Variants in RBM47 observed in about 807,000 individuals in gnomAD.
The protein encoded by RBM47 is RNA-binding protein 47.
Under a neutral mutation model 47.1 loss-of-function variants are expected in RBM47, and 21 were observed. The observed-to-expected ratio is 0.45, with a 90% CI of 0.32 to 0.64. RBM47 has a LOEUF of 0.64. Among genes scored for constraint, RBM47 ranks in the 30% least tolerant of loss-of-function variants. The probability of loss-of-function intolerance (pLI) is 0.05; values close to 1 mark genes in which losing one functional copy is unlikely to be tolerated. For missense variants in RBM47, 708 were observed against 870.9 expected (o/e 0.81, Z 2.35); for synonymous variants, 375 against 361.7 (o/e 1.04, Z -0.42).
chr4:40,462,677 T>C (rs1717344962), intron 3 of RBM47, among the ~76,000 whole-genome samples: 1 of 152,170 alleles, frequency 6.6e-6, no homozygotes, highest in Non-Finnish European at 1.5e-5. Flanking sequence ...GAACAAATGT[T>C]GGCTTGAATA....
intron 3 of RBM47, among the ~76,000 whole-genome samples, chr4:40,460,047 C>T (rs552832588): frequency 7.9e-5 from 12 of 152,270 alleles, no homozygotes; most frequent in Middle Eastern, 6.8e-3. Context: ...TGAGCCACCA[C>T]GCCTGGCCAG....
chr4:40,504,452 G>A lies in RBM47; in HGVS notation c.-154-37753C>T, dbSNP rs534325609. The stretch of plus-strand genomic sequence containing the variant: ...ATTACAGGTGCCCGCCACCACACCT[G>A]ACTAATCTTTTTGTATTTTTAGTAG... On this transcript the variant is annotated intron_variant, in intron 2 of 6. Transcript: ENST00000295971. 4.1e-4 allele frequency among the ~76,000 whole-genome samples: 63 copies of A among 152,012 alleles called. No homozygotes were observed. The South Asian group carries it at 0.013, about 31-fold the overall frequency.
Position 40,538,413 on chromosome 4 carries a change from G to A in RBM47, c.-155+6009C>T, listed in dbSNP as rs540711075. On this transcript the variant is annotated intron_variant, in intron 2 of 6. Coordinates refer to ENST00000295971, the MANE Select transcript of RBM47 (RefSeq NM_001098634.2). ...ACGATCTCAGCTCACTGCAACCTCCGCCTCCCGGGTTCAAGCGATTCTCCT... is the reference window on the plus strand; with the variant it reads ...ACGATCTCAGCTCACTGCAACCTCCACCTCCCGGGTTCAAGCGATTCTCCT... Among the ~76,000 whole-genome samples, 29 of 142,168 alleles carry A rather than the reference G, an allele frequency of 2.0e-4. No homozygotes were observed. The South Asian group carries it at 6.0e-3, about 30-fold the overall frequency. 93.3% of individuals were successfully genotyped at this position (142,168 alleles called of 152,430 possible).
rs116684636 is a variant in RBM47, at chr4:40,583,901, C to T, written c.-239-39395G>A. On this transcript the variant is annotated intron_variant, in intron 1 of 6. Coordinates refer to ENST00000295971, the MANE Select transcript of RBM47 (RefSeq NM_001098634.2). Reference sequence around the variant, plus strand: ...AACAAAAAACAAAAAAACCAAAAAGCAGAATGATTAAATATATTTTGTGAT... The same window carrying T: ...AACAAAAAACAAAAAAACCAAAAAGTAGAATGATTAAATATATTTTGTGAT... Among the ~76,000 whole-genome samples, 1,319 of 149,312 alleles carry T rather than the reference C, an allele frequency of 8.8e-3. 31 individuals are homozygous for T. Among genetic ancestry groups the T allele is most frequent in the African/African-American group, 0.031 (1,265 of 40,590 alleles).
rs1463056222 is a variant in RBM47, at chr4:40,425,830, G to A, written c.*74C>T. On this transcript the variant is annotated 3_prime_UTR_variant, in exon 7 of 7. Coordinates refer to ENST00000295971, the MANE Select transcript of RBM47 (RefSeq NM_001098634.2). ...CAGGTTGCATGTGTGAATCCAACAT[G>A]TTCCTTCTTCATAAATAGTCAAGCG... is the stretch of plus-strand genomic sequence containing the variant. 1.3e-6 allele frequency: 2 copies of A among 1,547,204 alleles called. No homozygotes were observed.
At chr4:40,496,408 T>C (rs947005961) in intron 2 of RBM47, among the ~76,000 whole-genome samples, 3 of 151,586 alleles carry the variant, frequency 2.0e-5, no homozygotes, top group Non-Finnish European at 4.4e-5. Flanking sequence ...TGGGCCGCAA[T>C]AGTTTTTAAA....
intron 2 of RBM47, among the ~76,000 whole-genome samples, chr4:40,469,887 G>A (rs1016327544): frequency 9.9e-5 from 15 of 151,970 alleles, no homozygotes; most frequent in African/African-American, 3.6e-4. Flanking sequence ...TGCTGGCCTC[G>A]GCCTCCCAAA....
intron 2 of RBM47, among the ~76,000 whole-genome samples, chr4:40,467,939 C>T (rs1718297466): frequency 6.6e-6 from 1 of 152,140 alleles, no homozygotes; most frequent in African/African-American, 2.4e-5. Context: ...CTATCTCTGT[C>T]ATGCCCAGTT....
chr4:40,469,697 G>A (rs1464607691), intron 2 of RBM47, among the ~76,000 whole-genome samples: 2 of 151,808 alleles, frequency 1.3e-5, no homozygotes, highest in African/African-American at 4.8e-5. Flanking sequence ...TTGACCCTAA[G>A]TGTTTCATTT....
chr4:40,465,751 T>C (rs1402976799), intron 3 of RBM47, among the ~76,000 whole-genome samples: 10 of 152,092 alleles, frequency 6.6e-5, no homozygotes, highest in Non-Finnish European at 1.5e-4. Flanking sequence ...TTGGAGAAGA[T>C]TAAATGGTTG....
chr4:40,438,418 G>T lies in RBM47; in HGVS notation c.476C>A (p.Pro159His). 6.2e-7 allele frequency: 1 copy of T among 1,613,420 alleles called. No homozygotes were observed. The highest frequency in any genetic ancestry group is 8.5e-7 in the Non-Finnish European group (1 of 1,179,978). The change falls in exon 4 of 7, where the codon CCC becomes CAC. Residue 159 changes from proline to histidine, a missense_variant. Coordinates refer to ENST00000295971, the MANE Select transcript of RBM47 (RefSeq NM_001098634.2). ...GATTTCCTCGCGCTTCTTCATCTTG[G>T]GGATCCCGCCGATGAAGAGGCGGCA... ...DNCRLFIGGI[P>H]KMKKREEILE...
chr4:40,611,800 A>G (rs1736287403), intron 1 of RBM47, among the ~76,000 whole-genome samples: 1 of 152,112 alleles, frequency 6.6e-6, no homozygotes, highest in Admixed American at 6.6e-5. Flanking sequence ...TTTGGAAGCA[A>G]ACTTGAAATC....
chr4:40,574,436 G>C lies in RBM47; in HGVS notation c.-239-29930C>G, dbSNP rs139258486. Among the ~76,000 whole-genome samples the C allele has an allele frequency of 2.9e-3, 436 of 152,296 alleles. 3 individuals carry two copies. The highest frequency in any genetic ancestry group is 9.9e-3 in the African/African-American group (410 of 41,556). On this transcript the variant is annotated intron_variant, in intron 1 of 6. Transcript: ENST00000295971. The stretch of plus-strand genomic sequence containing the variant: ...TCCAGATTCCAAAAATAATTCAACA[G>C]AATGACTCTTTTCAGAACGTTAGAC...
Position 40,493,012 on chromosome 4 carries a change from A to G in RBM47, c.-154-26313T>C, listed in dbSNP as rs567797472. 2.0e-5 allele frequency among the ~76,000 whole-genome samples: 3 copies of G among 152,356 alleles called. No homozygotes were observed. In the South Asian group the frequency reaches 6.2e-4, roughly 32 times the overall value. ...AACCAAGCTAAACAAAGCAAACATT[A>G]AGCAAAGAAGACAGAAAGAAAACAG... On this transcript the variant is annotated intron_variant, in intron 2 of 6. Coordinates refer to ENST00000295971, the MANE Select transcript of RBM47 (RefSeq NM_001098634.2).
At chr4:40,502,578 C>T (rs1723516762) in intron 2 of RBM47, among the ~76,000 whole-genome samples, 1 of 152,200 alleles carries the variant, frequency 6.6e-6, no homozygotes, top group South Asian at 2.1e-4. Flanking sequence ...GGTGCAGTGG[C>T]TCAGGCCTGT....
intron 3 of RBM47, among the ~76,000 whole-genome samples, chr4:40,451,068 C>T (rs997865405): frequency 1.3e-5 from 2 of 151,460 alleles, no homozygotes; most frequent in East Asian, 1.9e-4. Context: ...CAAGGCTGGC[C>T]GGGCACAGTG....
chr4:40,554,957 C>T (rs1001573937), intron 1 of RBM47, among the ~76,000 whole-genome samples: 7 of 151,828 alleles, frequency 4.6e-5, no homozygotes, highest in Admixed American at 1.3e-4. Flanking sequence ...GTTTTTGAGA[C>T]GTAGTTTCCC....
intron 2 of RBM47, chr4:40,544,006 A>C (rs1039502572): frequency 2.6e-5 from 4 of 152,010 alleles, no homozygotes; most frequent in Non-Finnish European, 2.9e-5. Flanking sequence ...GAAATGCTGT[A>C]TTTCACCAGA....
In RBM47 at chr4:40,571,648, G is replaced by A. The variant is rs113425022; in HGVS notation, c.-239-27142C>T. Among the ~76,000 whole-genome samples the A allele has an allele frequency of 6.3e-3, 963 of 152,010 alleles. 14 individuals carry two copies. Among genetic ancestry groups the A allele is most frequent in the Non-Finnish European group, 0.011 (769 of 67,868 alleles). ...TACAAACCAGGTGGGAGGAGGGTGC[G>A]GGATAAAAGACTACACTTTGGATAC... On this transcript the variant is annotated intron_variant, in intron 1 of 6. Coordinates refer to ENST00000295971, the MANE Select transcript of RBM47 (RefSeq NM_001098634.2).
Sources: gnomAD v4.1 joint callset for allele counts (sites outside exome capture counted in the v4.1 genomes callset) on GRCh38, gnomAD v4.1.1 for gene constraint, MANE v1.5 for transcripts, NCBI Gene and HGNC (gene_info 2026-07-23, HGNC 2026-07-21) for gene names.